The following CLCN3 variants were observed in gnomAD, a reference collection of about 807,000 sequenced individuals.
CLCN3 encodes H(+)/Cl(-) exchange transporter 3.
CLCN3 carries 16 observed loss-of-function variants against 83.4 expected under a neutral mutation model. The observed-to-expected ratio is 0.19, with a 90% CI of 0.13 to 0.29. The LOEUF is 0.29. Among genes scored for constraint, CLCN3 ranks in the 10% least tolerant of loss-of-function variants. The pLI is 1.00. For missense variants in CLCN3, 544 were observed against 1,006.0 expected (o/e 0.54, Z 6.21); for synonymous variants, 322 against 346.2 (o/e 0.93, Z 0.78).
At chr4:169,717,819 G>T (rs1243581436) in intron 12 of CLCN3, 11 of 1,612,800 alleles carry the variant, frequency 6.8e-6, no homozygotes, top group Non-Finnish European at 9.3e-6. Flanking sequence ...TCACAAAGAA[G>T]AACATATTAG....
At chr4:169,676,266 T>G (rs1183626170) in intron 2 of CLCN3, among the ~76,000 whole-genome samples, 2 of 152,244 alleles carry the variant, frequency 1.3e-5, no homozygotes, top group Non-Finnish European at 2.9e-5. Flanking sequence ...TACCAATAGA[T>G]GAGACATTTC....
chr4:169,682,669 C>G (rs1731990541), intron 3 of CLCN3, among the ~76,000 whole-genome samples: 1 of 152,162 alleles, frequency 6.6e-6, no homozygotes, highest in Non-Finnish European at 1.5e-5. Context: ...ATTAAAAAGA[C>G]TCAGTGATTG....
chr4:169,657,388 G>T lies in CLCN3; in HGVS notation c.160+21300G>T, dbSNP rs1730918328. On this transcript the variant is annotated intron_variant, in intron 2 of 12. Coordinates refer to ENST00000513761, the MANE Select transcript of CLCN3 (RefSeq NM_001829.4). ...AACAGGTCATTTGTTTCCTAGTTTGGTTTTTTCCTGATTACATTTTTGAGC... is the reference window on the plus strand; with the variant it reads ...AACAGGTCATTTGTTTCCTAGTTTGTTTTTTTCCTGATTACATTTTTGAGC... 6.6e-6 allele frequency among the ~76,000 whole-genome samples: 1 copy of T among 151,842 alleles called. No homozygotes were observed.
At chr4:169,666,230 T>C (rs1731240733) in intron 2 of CLCN3, among the ~76,000 whole-genome samples, 2 of 152,240 alleles carry the variant, frequency 1.3e-5, no homozygotes, top group South Asian at 4.1e-4. Flanking sequence ...AAGCATTGTT[T>C]ACTAAACTTT....
At chr4:169,637,270 T>G (rs1432351900) in intron 2 of CLCN3, among the ~76,000 whole-genome samples, 1 of 144,316 alleles carries the variant, frequency 6.9e-6, no homozygotes, top group African/African-American at 2.4e-5. Flanking sequence ...TGCAGTTATC[T>G]TCTCTCATTC....
intron 1 of CLCN3, among the ~76,000 whole-genome samples, chr4:169,623,246 G>A (rs1479238371): frequency 1.3e-5 from 2 of 152,050 alleles, no homozygotes; most frequent in Admixed American, 1.3e-4. Context: ...TTGGTTTATT[G>A]TTTTATCTTT....
chr4:169,683,017 T>C (rs1484812496), intron 3 of CLCN3, among the ~76,000 whole-genome samples: 1 of 152,212 alleles, frequency 6.6e-6, no homozygotes, highest in Admixed American at 6.5e-5. Context: ...CCAAAGTGCC[T>C]AGATCAGACA....
At chr4:169,686,394 A>G (rs1732158338) in intron 3 of CLCN3, among the ~76,000 whole-genome samples, 1 of 149,674 alleles carries the variant, frequency 6.7e-6, no homozygotes, top group South Asian at 2.1e-4. Context: ...ACAGTTGAGC[A>G]CTGAAGTCCT....
chr4:169,717,464 G>T (rs113219396), intron 12 of CLCN3, among the ~76,000 whole-genome samples: 2 of 152,038 alleles, frequency 1.3e-5, no homozygotes, highest in African/African-American at 4.8e-5. Flanking sequence ...CATATCAGAG[G>T]TCTATAGCTA....
At chr4:169,646,924 C>T (rs558941181) in intron 2 of CLCN3, among the ~76,000 whole-genome samples, 60 of 152,192 alleles carry the variant, frequency 3.9e-4, no homozygotes, top group African/African-American at 1.2e-3. Flanking sequence ...CAAAAGAATA[C>T]GGTAGAAGAA....
intron 1 of CLCN3, among the ~76,000 whole-genome samples, chr4:169,627,272 G>A (rs1773259369): frequency 6.6e-6 from 1 of 152,004 alleles, no homozygotes; most frequent in African/African-American, 2.4e-5. Flanking sequence ...CTTTTTTTGT[G>A]TGTGTGCCTG....
intron 2 of CLCN3, among the ~76,000 whole-genome samples, chr4:169,646,162 T>C (rs1730564645): frequency 2.0e-5 from 3 of 152,210 alleles, no homozygotes; most frequent in Admixed American, 1.3e-4. Context: ...TTCTTACAAA[T>C]GTCTAATATA....
intron 9 of CLCN3, among the ~76,000 whole-genome samples, chr4:169,701,361 T>A (rs1180873057): frequency 6.6e-6 from 1 of 152,190 alleles, no homozygotes; most frequent in Non-Finnish European, 1.5e-5. Context: ...ACTCTGTAGT[T>A]ACTTCTTCAA....
chr4:169,672,381 C>T (rs1306995552), intron 2 of CLCN3, among the ~76,000 whole-genome samples: 1 of 152,076 alleles, frequency 6.6e-6, no homozygotes, highest in Non-Finnish European at 1.5e-5. Flanking sequence ...CTCAAGTGAG[C>T]TGCCTGCCTC....
rs1733602586 is a variant in CLCN3 at position 169,720,612 on chromosome 4, T to G, written c.*615T>G. On this transcript the variant is annotated 3_prime_UTR_variant, in exon 13 of 13. Coordinates refer to ENST00000513761, the MANE Select transcript of CLCN3 (RefSeq NM_001829.4). ...TCGGTGTATCCTTTTGAAGCAGTCC[T>G]TTCTCATATTGAGATGTACTGTGAT... 1 of 152,310 alleles carries G rather than the reference T, an allele frequency of 6.6e-6. No homozygotes were observed. Among genetic ancestry groups the G allele is most frequent in the South Asian group, 2.1e-4 (1 of 4,740 alleles). 9.4% of individuals were successfully genotyped at this position (152,310 alleles called of 1,614,324 possible).
At chr4:169,660,583 A>T (rs1211582733) in intron 2 of CLCN3, 1 of 507,268 alleles carries the variant, frequency 2.0e-6, no homozygotes, top group Non-Finnish European at 3.1e-6. Context: ...GGTTGTTAGT[A>T]AGGGGAAAAT....
At chr4:169,649,160 C>T (rs186968825) in intron 2 of CLCN3, among the ~76,000 whole-genome samples, 3 of 152,172 alleles carry the variant, frequency 2.0e-5, no homozygotes, top group Non-Finnish European at 2.9e-5. Flanking sequence ...ATTGGAGGTG[C>T]TAGGAGCTTG....
intron 2 of CLCN3, among the ~76,000 whole-genome samples, chr4:169,642,546 C>T (rs1046429510): frequency 5.9e-5 from 9 of 151,988 alleles, no homozygotes; most frequent in Non-Finnish European, 1.3e-4. Context: ...GCTCTCTTGC[C>T]AGACAGGGGT....
chr4:169,646,493 G>A (rs184668784), intron 2 of CLCN3, among the ~76,000 whole-genome samples: 3 of 151,900 alleles, frequency 2.0e-5, no homozygotes, highest in Non-Finnish European at 4.4e-5. Context: ...GATGGGTTTC[G>A]CTATGTTGGC....
Sources: allele counts gnomAD v4.1 joint callset (sites outside exome capture counted in the v4.1 genomes callset), GRCh38; gene constraint gnomAD v4.1.1; transcripts MANE v1.5; gene names NCBI Gene and HGNC (gene_info 2026-07-23, HGNC 2026-07-21).